Variants in GUCY1A1 observed in about 807,000 individuals in gnomAD.
GUCY1A1 encodes the protein guanylate cyclase 1 soluble subunit alpha 1.
In GUCY1A1, 48 loss-of-function variants were observed where a neutral mutation model predicts 64.5. That is an observed-to-expected ratio of 0.74 (90% CI 0.59 to 0.95). GUCY1A1 has a LOEUF of 0.95. Among genes scored for constraint, GUCY1A1 ranks in the 40% least tolerant of loss-of-function variants. The probability of loss-of-function intolerance (pLI) is 0.00; values close to 1 mark genes in which losing one functional copy is unlikely to be tolerated. For missense variants in GUCY1A1, 804 were observed against 825.3 expected, an observed-to-expected ratio of 0.97 and a Z score of 0.32; for synonymous variants, 308 against 303.4, an observed-to-expected ratio of 1.02 and a Z score of -0.16.
In GUCY1A1 at chr4:155,704,908, A is replaced by T. The variant is rs188367317; in HGVS notation, c.317+915A>T. Among the ~76,000 whole-genome samples the T allele has an allele frequency of 8.3e-3, 1,268 of 152,130 alleles. 7 individuals carry two copies. The highest frequency in any genetic ancestry group is 0.014 in the Non-Finnish European group (949 of 67,978). Reference sequence around the variant, plus strand: ...TAAAATTTATTTTTATTTTTTTGAGACAGGGTCTTGCTCTGTCGCCTAGGC... The same window carrying T: ...TAAAATTTATTTTTATTTTTTTGAGTCAGGGTCTTGCTCTGTCGCCTAGGC... On this transcript the variant is annotated intron_variant, in intron 4 of 9. Coordinates refer to ENST00000506455, the MANE Select transcript of GUCY1A1 (RefSeq NM_001130682.3).
chr4:155,700,589 G>C (rs752215077), intron 3 of GUCY1A1, among the ~76,000 whole-genome samples: 96 of 152,074 alleles, frequency 6.3e-4, no homozygotes, highest in Admixed American at 9.2e-4. Flanking sequence ...AATTTAATCA[G>C]ATCTATTCTT....
At chr4:155,711,273 C>A in intron 6 of GUCY1A1, 22 bp downstream of exon 6, 1 of 1,217,024 alleles carries the variant, frequency 8.2e-7, no homozygotes, top group Non-Finnish European at 1.2e-6. Flanking sequence ...ATAATACTAT[C>A]TTGAATATGA....
At position 155,710,970 on chromosome 4, in the gene GUCY1A1, A is replaced by G; in HGVS notation, c.805A>G (p.Ser269Gly). 1 of 1,613,422 alleles carries G rather than the reference A, an allele frequency of 6.2e-7. No individual in the cohort carries two copies. Among genetic ancestry groups the G allele is most frequent in the Non-Finnish European group, 8.5e-7 (1 of 1,179,316 alleles). The part of the protein sequence containing the change: ...MKSTKPSLSP[S>G]KPQSSLVIPT... ...AAGCACCAAGCCATCCCTGTCCCCCAGCAAACCCCAGTCCTCGCTGGTGAT... is the reference window on the plus strand; with the variant it reads ...AAGCACCAAGCCATCCCTGTCCCCCGGCAAACCCCAGTCCTCGCTGGTGAT... Residue 269 changes from serine (S) to glycine (G), a missense_variant, in exon 6 of 10, where the codon AGC becomes GGC. By Grantham distance (56) the Ser-to-Gly change is moderately conservative (BLOSUM62 0). Transcript: ENST00000506455.
At position 155,730,613 on chromosome 4, in the gene GUCY1A1, T is replaced by C. The variant is rs576993146; in HGVS notation, c.*382T>C. The C allele has an allele frequency of 3.5e-4, 55 of 157,370 alleles. No homozygotes were observed. Among genetic ancestry groups the C allele is most frequent in the Non-Finnish European group, 5.8e-4 (41 of 70,866 alleles). 9.7% of individuals were successfully genotyped at this position (157,370 alleles called of 1,614,324 possible). ...CATGGTTATTAAAGTGTGTTTGTGA[T>C]AGTGTCGTCAAAAAAAAGGTTTTTG... On this transcript the variant is annotated 3_prime_UTR_variant, in exon 10 of 10. Transcript: ENST00000506455.
rs1211212852 is a variant in GUCY1A1, at chr4:155,710,776, A to G, written c.611A>G (p.Tyr204Cys). 2 of 1,613,888 alleles carry G rather than the reference A, an allele frequency of 1.2e-6. No individual in the cohort carries two copies. The highest frequency in any genetic ancestry group is 1.1e-5 in the South Asian group (1 of 91,074). Residue 204 changes from tyrosine (Y) to cysteine (C), a missense_variant, in exon 6 of 10, where the codon TAC becomes TGC. Tyr to Cys is a radical substitution (Grantham distance 194). Coordinates refer to ENST00000506455, the MANE Select transcript of GUCY1A1 (RefSeq NM_001130682.3). ...GAGGATGATTTTCTACATGTTTACT[A>G]CTTCTTCCCTAAGAGAACCACCTCC... ...DKEDDFLHVY[Y>C]FFPKRTTSLI...
At position 155,666,876 on chromosome 4, in the gene GUCY1A1, A is replaced by T. The variant is rs183587754; in HGVS notation, c.-276A>T. On this transcript the variant is annotated 5_prime_UTR_variant, in exon 1 of 10. Coordinates refer to ENST00000506455, the MANE Select transcript of GUCY1A1 (RefSeq NM_001130682.3). ...CTTTTCCTGCGCTAGAGCAGCGAGC[A>T]GCCTGGAACAGACCCAGGCGGAGGA... 3 of 152,348 alleles carry T rather than the reference A, an allele frequency of 2.0e-5. No individual in the cohort carries two copies. The highest frequency in any genetic ancestry group is 7.2e-5 in the African/African-American group (3 of 41,562). The allele number at this position is 152,348 out of a possible 1,614,324, so 9.4% of individuals were successfully genotyped here.
intron 2 of GUCY1A1, among the ~76,000 whole-genome samples, chr4:155,682,472 C>T (rs907337374): frequency 6.6e-6 from 1 of 152,006 alleles, no homozygotes; most frequent in African/African-American, 2.4e-5. Flanking sequence ...GTTAGGAGTT[C>T]GAGCCTGACC....
Position 155,703,969 on chromosome 4 carries a change from C to G in GUCY1A1, c.293C>G (p.Ala98Gly). 4 of 1,606,976 alleles carry G rather than the reference C, an allele frequency of 2.5e-6. No individual in the cohort carries two copies. Among genetic ancestry groups the G allele is most frequent in the South Asian group, 1.1e-5 (1 of 90,200 alleles). ...RLNVALQRTL[A>G]KHKIKESRKS... ...AATGTTGCACTTCAGAGAACATTGGCAAAGCACAAAATAAAAGAAAGCAGG... is the reference window on the plus strand; with the variant it reads ...AATGTTGCACTTCAGAGAACATTGGGAAAGCACAAAATAAAAGAAAGCAGG... Residue 98 changes from alanine (A) to glycine (G), a missense_variant, in exon 4 of 10, where the codon GCA becomes GGA. Transcript: ENST00000506455.
chr4:155,696,710 G>T (rs1730456753), intron 2 of GUCY1A1, 46 bp from the exon 3 acceptor site: 2 of 603,236 alleles, frequency 3.3e-6, no homozygotes, highest in Admixed American at 3.1e-5. Context: ...TTTCATCCGT[G>T]CATAAAGTCA....
At chr4:155,670,272 A>G (rs778449844) in intron 2 of GUCY1A1, among the ~76,000 whole-genome samples, 4 of 152,238 alleles carry the variant, frequency 2.6e-5, no homozygotes, top group African/African-American at 4.8e-5. Flanking sequence ...TCCCCAAAGT[A>G]TTAATAATTA....
chr4:155,720,245 G>A (rs1373185067), intron 8 of GUCY1A1, among the ~76,000 whole-genome samples: 3 of 152,008 alleles, frequency 2.0e-5, no homozygotes, highest in South Asian at 4.1e-4. Context: ...AAGAAAAACT[G>A]GTTTAACCAG....
intron 2 of GUCY1A1, among the ~76,000 whole-genome samples, chr4:155,680,014 T>C (rs1363382919): frequency 6.6e-6 from 1 of 152,214 alleles, no homozygotes; most frequent in African/African-American, 2.4e-5. Flanking sequence ...CTATTTTTTC[T>C]TCTTTAATAT....
rs904462325 is a variant in GUCY1A1 at position 155,735,810 on chromosome 4, G to A, written c.*5579G>A. The A allele has an allele frequency of 6.6e-6, 1 of 151,870 alleles. No homozygotes were observed. Among genetic ancestry groups the A allele is most frequent in the African/African-American group, 2.4e-5 (1 of 41,390 alleles). The allele number at this position is 151,870 out of a possible 1,614,324, so 9.4% of individuals were successfully genotyped here. ...CAATGTGTTAAGTATTATACACCTGGAACAAGAGCAGCAAAACTGAAGCTC... is the reference window on the plus strand; with the variant it reads ...CAATGTGTTAAGTATTATACACCTGAAACAAGAGCAGCAAAACTGAAGCTC... On this transcript the variant is annotated 3_prime_UTR_variant, in exon 10 of 10. Transcript: ENST00000506455.
At chr4:155,690,564 T>C (rs1216681319) in intron 2 of GUCY1A1, among the ~76,000 whole-genome samples, 1 of 152,184 alleles carries the variant, frequency 6.6e-6, no homozygotes, top group Non-Finnish European at 1.5e-5. Context: ...CTATTTTGTC[T>C]CTCACCACCA....
intron 2 of GUCY1A1, among the ~76,000 whole-genome samples, chr4:155,670,606 G>T (rs763979163): frequency 1.3e-5 from 2 of 152,176 alleles, no homozygotes; most frequent in African/African-American, 4.8e-5. Flanking sequence ...GAGCTGTAGA[G>T]TGGGCTTCCC....
At chr4:155,695,457 G>T (rs1730291651) in intron 2 of GUCY1A1, among the ~76,000 whole-genome samples, 1 of 152,090 alleles carries the variant, frequency 6.6e-6, no homozygotes, top group Non-Finnish European at 1.5e-5. Flanking sequence ...GTTCCTCACT[G>T]AATTTTAATA....
In GUCY1A1 at chr4:155,710,805, A is replaced by G. The variant is rs950487588; in HGVS notation, c.640A>G (p.Ile214Val). Residue 214 changes from isoleucine to valine, a missense_variant, in exon 6 of 10, where the codon ATT (isoleucine) becomes GTT (valine). By Grantham distance (29) the Ile-to-Val change is conservative. Coordinates refer to ENST00000506455, the MANE Select transcript of GUCY1A1 (RefSeq NM_001130682.3). ...CTTCCCTAAGAGAACCACCTCCCTGATTCTTCCCGGCATCATAAAGGCAGC... is the reference window on the plus strand; with the variant it reads ...CTTCCCTAAGAGAACCACCTCCCTGGTTCTTCCCGGCATCATAAAGGCAGC... The part of the protein sequence containing the change: ...YFFPKRTTSL[I>V]LPGIIKAAAH... The G allele has an allele frequency of 3.7e-6, 6 of 1,613,910 alleles. No homozygotes were observed. The African/African-American group carries it at 6.7e-5, about 18-fold the overall frequency.
intron 9 of GUCY1A1, chr4:155,722,432 T>C: frequency 7.5e-7 from 1 of 1,326,202 alleles, no homozygotes; most frequent in Non-Finnish European, 9.6e-7. Flanking sequence ...TATTACATAG[T>C]CTTCCATCAT....
At chr4:155,686,476 G>T (rs144043950) in intron 2 of GUCY1A1, among the ~76,000 whole-genome samples, 1 of 152,110 alleles carries the variant, frequency 6.6e-6, no homozygotes, top group African/African-American at 2.4e-5. Flanking sequence ...GCGAGACTCC[G>T]TCTCAAAAAA....
Sources: gnomAD v4.1 joint callset for allele counts (sites outside exome capture counted in the v4.1 genomes callset) on GRCh38, gnomAD v4.1.1 for gene constraint, MANE v1.5 for transcripts, NCBI Gene and HGNC (gene_info 2026-07-23, HGNC 2026-07-21) for gene names.